MAST4: variants seen among roughly 807,000 people sequenced by gnomAD.
The protein encoded by MAST4 is microtubule-associated serine/threonine-protein kinase 4.
In MAST4, 89 loss-of-function variants were observed where a neutral mutation model predicts 162.7. The observed-to-expected ratio is 0.55, with a 90% CI of 0.46 to 0.65. MAST4 has a LOEUF of 0.65. Ranked by LOEUF, MAST4 falls within the 30% of genes least tolerant of loss-of-function variation. The pLI, the probability that MAST4 is intolerant of heterozygous loss-of-function variation, is 0.00. For synonymous variants in MAST4, 1,479 were observed against 1,361.1 expected, an observed-to-expected ratio of 1.09 and a Z score of -1.91; for missense variants, 3,153 against 3,374.0, an observed-to-expected ratio of 0.93 and a Z score of 1.62.
At chr5:66,824,690 G>T (rs1203314535) in intron 3 of MAST4, among the ~76,000 whole-genome samples, 1 of 152,198 alleles carries the variant, frequency 6.6e-6, no homozygotes, top group Non-Finnish European at 1.5e-5. Context: ...GTGTTGCTAG[G>T]TGATTTCATT....
At chr5:66,655,107 T>C (rs950826946) in intron 1 of MAST4, among the ~76,000 whole-genome samples, 1 of 152,194 alleles carries the variant, frequency 6.6e-6, no homozygotes, top group Non-Finnish European at 1.5e-5. Flanking sequence ...CATTGTGAAG[T>C]AGGCACTGAT....
intron 4 of MAST4, among the ~76,000 whole-genome samples, chr5:66,958,660 C>T (rs1374542743): frequency 6.6e-6 from 1 of 152,122 alleles, no homozygotes; most frequent in Non-Finnish European, 1.5e-5. Context: ...CTGATGATTG[C>T]CATATATAGA....
chr5:66,647,987 T>C (rs1337706484), intron 1 of MAST4, among the ~76,000 whole-genome samples: 1 of 151,034 alleles, frequency 6.6e-6, no homozygotes, highest in African/African-American at 2.4e-5. Flanking sequence ...TGAGGGAAAT[T>C]CCTGACTTCA....
At chr5:66,741,165 C>A (rs991164042) in intron 1 of MAST4, among the ~76,000 whole-genome samples, 1 of 152,140 alleles carries the variant, frequency 6.6e-6, no homozygotes, top group African/African-American at 2.4e-5. Context: ...TGCAGCTCAC[C>A]CCCTTCCTTC....
intron 4 of MAST4, among the ~76,000 whole-genome samples, chr5:67,026,689 G>A (rs897136252): frequency 6.6e-6 from 1 of 152,072 alleles, no homozygotes; most frequent in Non-Finnish European, 1.5e-5. Flanking sequence ...GGTCATTTAT[G>A]CTAATCAGCA....
rs868255380 is a variant in MAST4, at chr5:66,959,146, C to G, written c.674+59164C>G. 4 of 762,546 alleles carry G rather than the reference C, an allele frequency of 5.2e-6. No individual in the cohort carries two copies. In the East Asian group the frequency reaches 9.8e-5, roughly 19 times the overall value. The allele number at this position is 762,546 out of a possible 1,614,324, so 47.2% of individuals were successfully genotyped here. A position where few individuals can be genotyped will look rare whatever the true frequency, so the allele number is the denominator to read the frequency against. On this transcript the variant is annotated intron_variant, in intron 4 of 28. Transcript: ENST00000403625. ...CCCTCCCCCTCGAGAGAGTGTTAGTCCAGTCCTTTAGAGAGGTTCGGTTTG... is the reference window on the plus strand; with the variant it reads ...CCCTCCCCCTCGAGAGAGTGTTAGTGCAGTCCTTTAGAGAGGTTCGGTTTG...
At chr5:66,782,327 T>A (rs1754914823) in intron 2 of MAST4, among the ~76,000 whole-genome samples, 1 of 149,748 alleles carries the variant, frequency 6.7e-6, no homozygotes. Context: ...CTAGGAGAGG[T>A]CATATATAGC....
At chr5:66,720,623 GT>G (rs1751142681) in intron 1 of MAST4, among the ~76,000 whole-genome samples, 1 of 152,020 alleles carries the variant, frequency 6.6e-6, no homozygotes, top group Non-Finnish European at 1.5e-5. Flanking sequence ...CTCGCAAGAG[GT>G]TTGTGTATTT....
At chr5:66,745,816 A>G (rs753240846) in intron 1 of MAST4, among the ~76,000 whole-genome samples, 1 of 152,176 alleles carries the variant, frequency 6.6e-6, no homozygotes, top group Non-Finnish European at 1.5e-5. Flanking sequence ...TCTAGCTTTA[A>G]CCTTTAGCGC....
chr5:66,700,802 C>T (rs200429264), intron 1 of MAST4, among the ~76,000 whole-genome samples: 98 of 61,148 alleles, frequency 1.6e-3, no homozygotes, highest in Middle Eastern at 9.1e-3. Context: ...TATATATATA[C>T]ACACACACAC....
intron 4 of MAST4, among the ~76,000 whole-genome samples, chr5:67,020,706 G>A (rs1180875944): frequency 6.6e-6 from 1 of 152,194 alleles, no homozygotes; most frequent in Non-Finnish European, 1.5e-5. Flanking sequence ...TTGTGACCTT[G>A]GCAGGCCATC....
intron 3 of MAST4, among the ~76,000 whole-genome samples, chr5:66,895,302 G>T (rs572443266): frequency 2.0e-5 from 3 of 152,132 alleles, no homozygotes; most frequent in Non-Finnish European, 4.4e-5. Flanking sequence ...AGTCCCTGTG[G>T]CTTTGTAACC....
At chr5:66,788,468 G>A (rs1755219617) in intron 2 of MAST4, among the ~76,000 whole-genome samples, 1 of 152,164 alleles carries the variant, frequency 6.6e-6, no homozygotes, top group Non-Finnish European at 1.5e-5. Context: ...GATGTTGGAG[G>A]TCAGGGCCAG....
At chr5:67,044,875 G>T (rs1227566202) in intron 4 of MAST4, among the ~76,000 whole-genome samples, 1 of 152,154 alleles carries the variant, frequency 6.6e-6, no homozygotes, top group Non-Finnish European at 1.5e-5. Context: ...TTAGACGGAT[G>T]ATCCCGTTGC....
intron 1 of MAST4, among the ~76,000 whole-genome samples, chr5:66,623,660 G>A (rs1459771453): frequency 6.6e-6 from 1 of 152,184 alleles, no homozygotes; most frequent in African/African-American, 2.4e-5. Flanking sequence ...CACAACTAAC[G>A]CTATAATCAA....
chr5:66,713,976 C>G (rs1263586585), intron 1 of MAST4, among the ~76,000 whole-genome samples: 1 of 152,116 alleles, frequency 6.6e-6, no homozygotes, highest in Non-Finnish European at 1.5e-5. Context: ...TCATTTAATC[C>G]TGATGATAAT....
At chr5:66,748,366 G>C (rs1752896682) in intron 1 of MAST4, among the ~76,000 whole-genome samples, 1 of 110,438 alleles carries the variant, frequency 9.1e-6, no homozygotes, top group South Asian at 3.2e-4. Context: ...CAGAGCAGCA[G>C]GATTTATAGG....
intron 1 of MAST4, among the ~76,000 whole-genome samples, chr5:66,736,048 C>G (rs1469266826): frequency 6.6e-6 from 1 of 152,148 alleles, no homozygotes; most frequent in Non-Finnish European, 1.5e-5. Flanking sequence ...TTATTTTTCC[C>G]ATTTCTATCA....
chr5:67,103,299 C>T (rs761445469), intron 9 of MAST4, among the ~76,000 whole-genome samples: 6 of 152,180 alleles, frequency 3.9e-5, no homozygotes, highest in African/African-American at 7.2e-5. Context: ...CACGTTTTTC[C>T]GATCCACCCC....
Sources: gnomAD v4.1 joint callset for allele counts (sites outside exome capture counted in the v4.1 genomes callset) on GRCh38, gnomAD v4.1.1 for gene constraint, MANE v1.5 for transcripts, NCBI Gene and HGNC (gene_info 2026-07-23, HGNC 2026-07-21) for gene names.